The following PIK3AP1 variants were observed in gnomAD, a reference collection of about 807,000 sequenced individuals.
PIK3AP1 encodes the protein phosphoinositide 3-kinase adapter protein 1.
PIK3AP1 carries 21 observed loss-of-function variants against 88.1 expected under a neutral mutation model. The ratio of observed to expected loss-of-function variants is 0.24; its 90% CI spans 0.17 to 0.34. The LOEUF is 0.34. Among genes scored for constraint, PIK3AP1 ranks in the 10% least tolerant of loss-of-function variants. The pLI is 1.00. For missense variants in PIK3AP1, 828 were observed against 1,035.7 expected (o/e 0.80, Z 2.75); for synonymous variants, 398 against 400.0 (o/e 1.00, Z 0.06).
rs1589479020 is a variant in PIK3AP1, at chr10:96,602,402, C to T, written c.2242-4G>A. The T allele has an allele frequency of 1.2e-6, 2 of 1,607,244 alleles. No individual in the cohort carries two copies. Among genetic ancestry groups the T allele is most frequent in the East Asian group, 4.5e-5 (2 of 44,696 alleles). ...TAACCTCAGGGACTTCATTATCCTACAGCAAAGAAGATGAGAAAGAAAGGC... is the reference window on the plus strand; with the variant it reads ...TAACCTCAGGGACTTCATTATCCTATAGCAAAGAAGATGAGAAAGAAAGGC... On this transcript the variant is annotated splice_region_variant and splice_polypyrimidine_tract_variant and intron_variant, in intron 15 of 16. Coordinates refer to ENST00000339364, the MANE Select transcript of PIK3AP1 (RefSeq NM_152309.3).
At chr10:96,698,346 T>A (rs1188590608) in intron 2 of PIK3AP1, among the ~76,000 whole-genome samples, 1 of 151,434 alleles carries the variant, frequency 6.6e-6, no homozygotes, top group Non-Finnish European at 1.5e-5. Context: ...AGGTCAGTAG[T>A]GAGGGAAAGA....
At position 96,656,873 on chromosome 10, in the gene PIK3AP1, C is replaced by G. The variant is rs778934212; in HGVS notation, c.492G>C (p.Ser164=). 1.6e-5 allele frequency: 26 copies of G among 1,613,988 alleles called. No individual in the cohort carries two copies. Among genetic ancestry groups the G allele is most frequent in the Admixed American group, 3.3e-5 (2 of 59,984 alleles). Residue 164 remains serine, a synonymous_variant, in exon 3 of 17, where the codon TCG becomes TCC. Coordinates refer to ENST00000339364, the MANE Select transcript of PIK3AP1 (RefSeq NM_152309.3). ...TCACCGTCGGCAGGTTCTGCTGCTT[C>G]GAGTAGGAAACAACCTTCTCGTCCT... ...EPEDEKVVSY[S]KQQNLPTVTS...
chr10:96,691,999 A>C (rs1180951194), intron 2 of PIK3AP1, among the ~76,000 whole-genome samples: 1 of 151,482 alleles, frequency 6.6e-6, no homozygotes, highest in Non-Finnish European at 1.5e-5. Flanking sequence ...CTATGAGTGC[A>C]ATGTGATTTG....
chr10:96,673,047 AG>A (rs1335378324), intron 2 of PIK3AP1, among the ~76,000 whole-genome samples: 3 of 152,216 alleles, frequency 2.0e-5, no homozygotes, highest in Non-Finnish European at 4.4e-5. Context: ...CAGAATTCAA[AG>A]CTCCCAACTC....
intron 3 of PIK3AP1, among the ~76,000 whole-genome samples, chr10:96,656,456 T>A (rs1589519520): frequency 1.3e-5 from 2 of 152,180 alleles, no homozygotes; most frequent in South Asian, 2.1e-4. Flanking sequence ...CTCCCAGCAC[T>A]AGGCTACCAG....
chr10:96,714,286 T>C (rs1342462416), intron 1 of PIK3AP1, among the ~76,000 whole-genome samples: 5 of 152,142 alleles, frequency 3.3e-5, no homozygotes, highest in African/African-American at 1.2e-4. Flanking sequence ...ATGTACATTC[T>C]CTCATTTAAT....
At chr10:96,703,981 G>A (rs1031070121) in intron 2 of PIK3AP1, among the ~76,000 whole-genome samples, 3 of 152,168 alleles carry the variant, frequency 2.0e-5, no homozygotes, top group Non-Finnish European at 4.4e-5. Flanking sequence ...TTTGGAGAGT[G>A]GGGTGGGAAA....
At chr10:96,663,989 C>G (rs1175915818) in intron 2 of PIK3AP1, among the ~76,000 whole-genome samples, 2 of 152,210 alleles carry the variant, frequency 1.3e-5, no homozygotes, top group African/African-American at 4.8e-5. Context: ...TACCCCCCAG[C>G]TGCTGAGGGA....
rs563513349 is a variant in PIK3AP1 at position 96,608,989 on chromosome 10, C to CG, written c.2170+722dup. 4.7e-3 allele frequency among the ~76,000 whole-genome samples: 723 copies of CG among 152,282 alleles called. 8 individuals are homozygous for CG. Among genetic ancestry groups the CG allele is most frequent in the African/African-American group, 0.017 (686 of 41,540 alleles). ...GAGTCAGCTAACACTGCCCTGGATA[C>CG]GGGAACAAAGCCCTCGGCTCCTGCC... On this transcript the variant is annotated intron_variant, in intron 14 of 16. Transcript: ENST00000339364.
chr10:96,618,876 C>G (rs1429059440), intron 12 of PIK3AP1: 1 of 152,250 alleles, frequency 6.6e-6, no homozygotes, highest in African/African-American at 2.4e-5. Context: ...ACTGCAGCCT[C>G]CCAGGGGCTC....
chr10:96,720,434 C>CCGGGGCCGGGAA lies in PIK3AP1; in HGVS notation c.-41_-40insTTCCCGGCCCCG. On this transcript the variant is annotated 5_prime_UTR_variant, in exon 1 of 17. Transcript: ENST00000339364. The surrounding 1 kb of genome is among the most constrained non-coding windows in gnomAD (Gnocchi z 4.6). The stretch of plus-strand genomic sequence containing the variant: ...CTCACATCCCTGGCTCGCTGCGTGC[C>CCGGGGCCGGGAA]CGGGGCCGGGACCGGGGCCGGCGGC... The CCGGGGCCGGGAA allele has an allele frequency of 8.1e-7, 1 of 1,229,136 alleles. No individual in the cohort carries two copies. Among genetic ancestry groups the CCGGGGCCGGGAA allele is most frequent in the Admixed American group, 4.3e-5 (1 of 23,432 alleles). The allele number at this position is 1,229,136 out of a possible 1,614,324, so 76.1% of individuals were successfully genotyped here. A position where few individuals can be genotyped will look rare whatever the true frequency, so the allele number is the denominator to read the frequency against.
rs545639835 is a variant in PIK3AP1 at position 96,664,249 on chromosome 10, C to T, written c.431-7315G>A. On this transcript the variant is annotated intron_variant, in intron 2 of 16. Coordinates refer to ENST00000339364, the MANE Select transcript of PIK3AP1 (RefSeq NM_152309.3). ...TCTAAGTGACATGGGTAAAAGCTTA[C>T]GGCATGCGAAGCGAAAAAGCAGGAT... Among the ~76,000 whole-genome samples, 28 of 152,312 alleles carry T rather than the reference C, an allele frequency of 1.8e-4. No homozygotes were observed. The South Asian group carries it at 2.7e-3, about 15-fold the overall frequency.
chr10:96,637,151 G>A (rs564022958), intron 8 of PIK3AP1, among the ~76,000 whole-genome samples: 6 of 152,094 alleles, frequency 3.9e-5, no homozygotes, highest in African/African-American at 9.7e-5. Flanking sequence ...AAGGAGCATC[G>A]TAGCCAAACA....
At chr10:96,678,785 C>A (rs1843959921) in intron 2 of PIK3AP1, among the ~76,000 whole-genome samples, 1 of 152,108 alleles carries the variant, frequency 6.6e-6, no homozygotes, top group East Asian at 1.9e-4. Flanking sequence ...TATTGTAGTC[C>A]TTTGTATGTA....
At chr10:96,662,106 C>CA (rs1009343743) in intron 2 of PIK3AP1, among the ~76,000 whole-genome samples, 3 of 151,908 alleles carry the variant, frequency 2.0e-5, no homozygotes. Context: ...AGTAAACAAA[C>CA]AAAAAACTAA....
intron 3 of PIK3AP1, among the ~76,000 whole-genome samples, chr10:96,653,185 T>A (rs11188873): frequency 0.26 from 39,851 of 151,608 alleles, 5,414 homozygotes; most frequent in East Asian, 0.41. Flanking sequence ...GGTGGGTGGA[T>A]CACAAGGTAA....
intron 8 of PIK3AP1, among the ~76,000 whole-genome samples, chr10:96,629,922 AAAAAAAAAAAGAAGAAGAAG>A (rs1843217827): frequency 1.6e-5 from 1 of 62,408 alleles, no homozygotes; most frequent in South Asian, 8.5e-4. Flanking sequence ...AAAAAAAAAA[AAAAAAAAAAAGAAGAAGAAG>A]AAGAAGAAGA....
At chr10:96,717,257 CAAAA>C (rs1325729375) in intron 1 of PIK3AP1, among the ~76,000 whole-genome samples, 1 of 93,434 alleles carries the variant, frequency 1.1e-5, no homozygotes, top group Non-Finnish European at 2.1e-5. Context: ...GACTCCGTCT[CAAAA>C]AAAAAAAAAA....
chr10:96,681,968 AT>A lies in PIK3AP1; in HGVS notation c.431-25035del, dbSNP rs759568420. Among the ~76,000 whole-genome samples the A allele has an allele frequency of 1.1e-4, 16 of 147,324 alleles. No individual in the cohort carries two copies. The East Asian group carries it at 1.2e-3, about 11-fold the overall frequency. On this transcript the variant is annotated intron_variant, in intron 2 of 16. Transcript: ENST00000339364. Reference sequence around the variant, plus strand: ...TTCTCACTCTTATAGACTTTAAAAAATATGCATACATAAATATATGTGTGTG... The same window carrying A: ...TTCTCACTCTTATAGACTTTAAAAAAATGCATACATAAATATATGTGTGTG...
Sources: allele counts gnomAD v4.1 joint callset (sites outside exome capture counted in the v4.1 genomes callset), GRCh38; gene constraint gnomAD v4.1.1; non-coding constraint Gnocchi (gnomAD v3.1); transcripts MANE v1.5; gene names NCBI Gene and HGNC (gene_info 2026-07-23, HGNC 2026-07-21).